Variants in ZNF839 observed in about 807,000 individuals in gnomAD.
ZNF839 encodes renal carcinoma antigen NY-REN-50.
ZNF839 carries 38 observed loss-of-function variants against 56.4 expected under a neutral mutation model. The ratio of observed to expected loss-of-function variants is 0.67; its 90% CI spans 0.52 to 0.88. ZNF839 has a LOEUF of 0.88. Among genes scored for constraint, ZNF839 ranks in the 40% least tolerant of loss-of-function variants. The probability of loss-of-function intolerance (pLI) is 0.00; values close to 1 mark genes in which losing one functional copy is unlikely to be tolerated. For missense variants in ZNF839, 1,091 were observed against 1,177.6 expected (o/e 0.93, Z 1.08); for synonymous variants, 486 against 493.5 (o/e 0.98, Z 0.20).
chr14:102,339,555 G>A (rs552162172), intron 7 of ZNF839, among the ~76,000 whole-genome samples: 12 of 152,124 alleles, frequency 7.9e-5, no homozygotes, highest in Non-Finnish European at 1.6e-4. Flanking sequence ...GACCAGCCTG[G>A]CCAACATGGC....
At chr14:102,329,313 A>C (rs1285680741) in intron 2 of ZNF839, among the ~76,000 whole-genome samples, 1 of 152,058 alleles carries the variant, frequency 6.6e-6, no homozygotes, top group African/African-American at 2.4e-5. Context: ...CTAGATTTTA[A>C]GTGGAATTAT....
rs1469689403 is a variant in ZNF839, at chr14:102,342,172, C to T, written c.2777C>T (p.Ala926Val). 2.5e-6 allele frequency: 4 copies of T among 1,604,566 alleles called. No homozygotes were observed. The highest frequency in any genetic ancestry group is 3.4e-6 in the Non-Finnish European group (4 of 1,173,856). The change falls in exon 8 of 8, where the codon GCC becomes GTC. Residue 926 changes from alanine (A) to valine (V), a missense_variant. Physicochemically the swap from Ala to Val is moderately conservative, Grantham distance 64. Transcript: ENST00000442396. ...TDAEGRACGW[A>V]R ...GCAGAGGGGCGTGCCTGCGGATGGG[C>T]CCGCTAGAAGGAGTTCCTCTAGAAG...
chr14:102,327,172 G>A (rs754607701), intron 2 of ZNF839, among the ~76,000 whole-genome samples: 5 of 151,918 alleles, frequency 3.3e-5, no homozygotes, highest in Non-Finnish European at 4.4e-5. Context: ...ATGGATCCTC[G>A]CTCTGTCATC....
At chr14:102,323,147 TG>T (rs1478078873) in intron 1 of ZNF839, among the ~76,000 whole-genome samples, 1 of 152,230 alleles carries the variant, frequency 6.6e-6, no homozygotes, top group African/African-American at 2.4e-5. Context: ...GAGGGCCAGT[TG>T]GTCGTCCCAA....
rs547517034 is a variant in ZNF839 at position 102,334,218 on chromosome 14, C to T, written c.1417-336C>T. ...TTCTGGCCTGCCCGTCTCCAGGCGC[C>T]GCCTCCAGCTGTGCCACCCCCTCAC... is the stretch of plus-strand genomic sequence containing the variant. On this transcript the variant is annotated intron_variant, in intron 3 of 7. Coordinates refer to ENST00000442396, the MANE Select transcript of ZNF839 (RefSeq NM_018335.6). Among the ~76,000 whole-genome samples the T allele has an allele frequency of 2.7e-3, 416 of 152,336 alleles. 1 individual carries two copies. Among genetic ancestry groups the T allele is most frequent in the African/African-American group, 9.4e-3 (391 of 41,582 alleles).
In ZNF839 at chr14:102,339,232, A is replaced by G; in HGVS notation, c.1927+9A>G. On this transcript the variant is annotated intron_variant, in intron 7 of 7. Coordinates refer to ENST00000442396, the MANE Select transcript of ZNF839 (RefSeq NM_018335.6). ...GCATGCTTTGGCCGCTGGTGAGGGTAAAATGCTGTTTGTGGGGTGTATCCA... is the reference window on the plus strand; with the variant it reads ...GCATGCTTTGGCCGCTGGTGAGGGTGAAATGCTGTTTGTGGGGTGTATCCA... 6.2e-7 allele frequency: 1 copy of G among 1,608,826 alleles called. No homozygotes were observed. The highest frequency in any genetic ancestry group is 8.5e-7 in the Non-Finnish European group (1 of 1,177,668).
chr14:102,339,443 T>G (rs1209516850), intron 7 of ZNF839, among the ~76,000 whole-genome samples: 2 of 152,096 alleles, frequency 1.3e-5, no homozygotes, highest in Admixed American at 1.3e-4. Context: ...TAGAGTGCCT[T>G]GTTAAAATGG....
intron 5 of ZNF839, among the ~76,000 whole-genome samples, chr14:102,338,427 A>G (rs1886091921): frequency 1.3e-5 from 2 of 151,266 alleles, no homozygotes; most frequent in South Asian, 4.2e-4. Context: ...AATCCCAGCT[A>G]CTCAGGAGGC....
chr14:102,338,884 C>G lies in ZNF839; in HGVS notation c.1728C>G (p.Pro576=), dbSNP rs764554887. 1.2e-6 allele frequency: 2 copies of G among 1,613,920 alleles called. No homozygotes were observed. Among genetic ancestry groups the G allele is most frequent in the Admixed American group, 3.3e-5 (2 of 60,000 alleles). Residue 576 remains proline (P), a synonymous_variant, in exon 6 of 8, where the codon CCC becomes CCG. Coordinates refer to ENST00000442396, the MANE Select transcript of ZNF839 (RefSeq NM_018335.6). ...AAATACACCCAGACAACCTTGGACC[C>G]AAGCACCTCAGCCGAGACATGGATG... ...KKEIHPDNLG[P]KHLSRDMDGE...
At chr14:102,333,459 CATT>C (rs2073881217) in intron 3 of ZNF839, among the ~76,000 whole-genome samples, 2 of 151,980 alleles carry the variant, frequency 1.3e-5, no homozygotes, top group South Asian at 4.2e-4. Context: ...GACAGGGTCT[CATT>C]ATGTTGTCCA....
At position 102,326,172 on chromosome 14, in the gene ZNF839, C is replaced by T. The variant is rs2073397083; in HGVS notation, c.476C>T (p.Thr159Ile). ...CTCAGGGTACAGCCGCTTGTGAGAA[C>T]CGAGCCACAGTCCTGCTTCCTAAGT... is the stretch of plus-strand genomic sequence containing the variant. ...QLLRVQPLVR[T>I]EPQSCFLSDL... The change falls in exon 2 of 8, where the codon ACC becomes ATC. Residue 159 changes from threonine to isoleucine, a missense_variant. By Grantham distance (89) the Thr-to-Ile change is moderately conservative (BLOSUM62 -1). Around this residue, in one of 3 missense-constraint regions of ZNF839, gnomAD observed 614 missense variants for 629.2 expected, o/e 0.98. Coordinates refer to ENST00000442396, the MANE Select transcript of ZNF839 (RefSeq NM_018335.6). This position sits in a 1 kb window ranked among gnomAD's most constrained non-coding sequence, Gnocchi z 4.3. 2 of 1,613,656 alleles carry T rather than the reference C, an allele frequency of 1.2e-6. No individual in the cohort carries two copies. The highest frequency in any genetic ancestry group is 1.3e-5 in the African/African-American group (1 of 74,916).
At chr14:102,318,680 C>T (rs1177067535), upstream of ZNF839, among the ~76,000 whole-genome samples, 2 of 151,906 alleles carry the variant, frequency 1.3e-5, no homozygotes, top group Non-Finnish European at 2.9e-5. Flanking sequence ...TAAAATTCAC[C>T]ATTAAAAAAT....
chr14:102,329,789 CTTTTTTTTTT>C (rs35781672), intron 2 of ZNF839, among the ~76,000 whole-genome samples: 1 of 102,112 alleles, frequency 9.8e-6, no homozygotes, highest in Non-Finnish European at 1.8e-5. Context: ...TAGAGATAAC[CTTTTTTTTTT>C]TTTTTTTTTT....
chr14:102,322,427 G>A (rs1270217094), intron 1 of ZNF839, among the ~76,000 whole-genome samples: 1 of 152,200 alleles, frequency 6.6e-6, no homozygotes, highest in Non-Finnish European at 1.5e-5. Flanking sequence ...GTTAACATTA[G>A]CTGAATTAAC....
chr14:102,341,634 T>C lies in ZNF839; in HGVS notation c.2239T>C (p.Cys747Arg). ...GGACAGCCTGAGGAGCCCGGGTTTC[T>C]GCAGCCCTTTGTCATCTGGTGGTGG... Reference protein sequence around the residue: ...TWDSLRSPGFCSPLSSGGGAE... With the variant: ...TWDSLRSPGFRSPLSSGGGAE... Residue 747 changes from cysteine (C) to arginine (R), a missense_variant, in exon 8 of 8, where the codon TGC becomes CGC. This residue lies in a region of ZNF839 where 431 missense variants were observed against 468.0 expected (regional missense o/e 0.92). Coordinates refer to ENST00000442396, the MANE Select transcript of ZNF839 (RefSeq NM_018335.6). 6.2e-7 allele frequency: 1 copy of C among 1,613,986 alleles called. No individual in the cohort carries two copies. Among genetic ancestry groups the C allele is most frequent in the South Asian group, 1.1e-5 (1 of 91,086 alleles).
At chr14:102,335,876 G>C (rs1316327695) in intron 5 of ZNF839, 38 bp downstream of exon 5, 1 of 1,600,664 alleles carries the variant, frequency 6.2e-7, no homozygotes, top group Non-Finnish European at 8.5e-7. Flanking sequence ...TTTGCTCATA[G>C]AGTTAGCCAG....
In ZNF839 at chr14:102,326,680, G is replaced by A. The variant is rs2073426639; in HGVS notation, c.984G>A (p.Leu328=). 1.2e-6 allele frequency: 2 copies of A among 1,612,258 alleles called. No individual in the cohort carries two copies. The highest frequency in any genetic ancestry group is 1.3e-5 in the African/African-American group (1 of 74,862). ...AGTCATATATAGGGAAGGGGGGACT[G>A]GCCCGACATTTTAAACTTAACCCAG... ...CEKSYIGKGG[L]ARHFKLNPGH... The change falls in exon 2 of 8, where the codon CTG becomes CTA. Residue 328 remains leucine, a synonymous_variant. Transcript: ENST00000442396. The surrounding 1 kb of genome is among the most constrained non-coding windows in gnomAD (Gnocchi z 4.3).
chr14:102,323,342 G>C (rs989380901), intron 1 of ZNF839, among the ~76,000 whole-genome samples: 3 of 152,214 alleles, frequency 2.0e-5, no homozygotes, highest in African/African-American at 7.2e-5. Flanking sequence ...TCGTGCTCTG[G>C]ATGATGAGGT....
At chr14:102,340,642 C>T (rs969814944) in intron 7 of ZNF839, among the ~76,000 whole-genome samples, 16 of 152,100 alleles carry the variant, frequency 1.1e-4, no homozygotes, top group Non-Finnish European at 2.2e-4. Context: ...ATACAGGGGC[C>T]TGGACCTCTG....
Sources: gnomAD v4.1 joint callset for allele counts (sites outside exome capture counted in the v4.1 genomes callset) on GRCh38, gnomAD v4.1.1 for gene constraint, gnomAD v4.1.1 regional missense constraint, Gnocchi (gnomAD v3.1) non-coding constraint, MANE v1.5 for transcripts, NCBI Gene and HGNC (gene_info 2026-07-23, HGNC 2026-07-21) for gene names.